Variants in CRTC1 observed in about 807,000 individuals in gnomAD.
CRTC1 encodes the protein CREB-regulated transcription coactivator 1.
A neutral mutation model predicts 66.1 loss-of-function variants in CRTC1; 18 were observed. That is an observed-to-expected ratio of 0.27 (90% CI 0.19 to 0.40). The LOEUF (loss-of-function observed/expected upper bound fraction) is 0.40. CRTC1 is among the 10% of genes least tolerant of loss of function. The pLI is 1.00. For synonymous variants in CRTC1, 416 were observed against 398.8 expected, an observed-to-expected ratio of 1.04 and a Z score of -0.51; for missense variants, 669 against 887.9, an observed-to-expected ratio of 0.75 and a Z score of 3.13.
intron 1 of CRTC1, among the ~76,000 whole-genome samples, chr19:18,708,459 A>T (rs2053314274): frequency 6.6e-6 from 1 of 152,168 alleles, no homozygotes; most frequent in South Asian, 2.1e-4. Flanking sequence ...CTGTATCAGC[A>T]TCAGGAAGAT....
At chr19:18,759,521 G>A (rs747398177) in intron 6 of CRTC1, 30 bp from the exon 7 acceptor site, 5 of 1,609,382 alleles carry the variant, frequency 3.1e-6, no homozygotes, top group Non-Finnish European at 4.2e-6. Flanking sequence ...GTGTGCCCCA[G>A]GGCTCAGGCT....
chr19:18,737,348 C>T lies in CRTC1; in HGVS notation c.127-5562C>T, dbSNP rs1395466446. ...GGTCAGCTTGGTAGTGTCAGAGCTT[C>T]TGGGTCCACATCTGCCTCCCACGTG... On this transcript the variant is annotated intron_variant, in intron 1 of 13. Coordinates refer to ENST00000321949, the MANE Select transcript of CRTC1 (RefSeq NM_015321.3). Among the ~76,000 whole-genome samples, 3 of 152,248 alleles carry T rather than the reference C, an allele frequency of 2.0e-5. No homozygotes were observed. In the East Asian group the frequency reaches 5.8e-4, roughly 29 times the overall value.
chr19:18,745,731 C>T, intron 2 of CRTC1, 92 bp from the exon 3 acceptor site: 1 of 1,544,370 alleles, frequency 6.5e-7, no homozygotes, highest in Non-Finnish European at 8.9e-7. Context: ...GTGGGGGGCC[C>T]TGCGATCAGA....
intron 1 of CRTC1, among the ~76,000 whole-genome samples, chr19:18,709,781 T>A (rs1453899938): frequency 1.3e-5 from 2 of 152,152 alleles, no homozygotes; most frequent in South Asian, 4.1e-4. Context: ...ACCTGAGGGC[T>A]CCGAGGGCTG....
intron 2 of CRTC1, 92 bp downstream of exon 2, chr19:18,743,118 C>A: frequency 9.7e-7 from 1 of 1,034,740 alleles, no homozygotes; most frequent in Non-Finnish European, 1.5e-6. Flanking sequence ...CTGGGGTTAT[C>A]AGACAGTTGG....
Position 18,753,718 on chromosome 19 carries a change from C to A in CRTC1, c.624+133C>A, listed in dbSNP as rs2054422444. The A allele has an allele frequency of 7.8e-6, 5 of 640,494 alleles. No homozygotes were observed. The Admixed American group carries it at 1.4e-4, about 18-fold the overall frequency. 39.7% of individuals were successfully genotyped at this position (640,494 alleles called of 1,614,324 possible). A position where few individuals can be genotyped will look rare whatever the true frequency, so the allele number is the denominator to read the frequency against. ...ACAGGGAACCTCACTCCGATTTTTC[C>A]ATCTTCAAATTCAGAGAATCTGTTA... On this transcript the variant is annotated intron_variant, in intron 6 of 13. Transcript: ENST00000321949.
rs1380540660 is a variant in CRTC1, at chr19:18,710,761, G to A, written c.126+26933G>A. 1.1e-4 allele frequency among the ~76,000 whole-genome samples: 16 copies of A among 152,158 alleles called. No homozygotes were observed. The South Asian group carries it at 2.7e-3, about 26-fold the overall frequency. ...CCAGTAGCTGGGATTACAGGCACCCGCCACTGTGCCCGGCTAATTTTTGTA... is the reference window on the plus strand; with the variant it reads ...CCAGTAGCTGGGATTACAGGCACCCACCACTGTGCCCGGCTAATTTTTGTA... On this transcript the variant is annotated intron_variant, in intron 1 of 13. Coordinates refer to ENST00000321949, the MANE Select transcript of CRTC1 (RefSeq NM_015321.3).
intron 1 of CRTC1, among the ~76,000 whole-genome samples, chr19:18,717,357 A>G (rs750076727): frequency 2.6e-5 from 4 of 152,076 alleles, no homozygotes; most frequent in Non-Finnish European, 4.4e-5. Flanking sequence ...TCCTTGGTGC[A>G]GTAATGACCA....
intron 2 of CRTC1, 58 bp from the exon 3 acceptor site, chr19:18,745,765 C>G (rs895939313): frequency 6.2e-7 from 1 of 1,607,550 alleles, no homozygotes; most frequent in African/African-American, 1.3e-5. Context: ...GCTGGGGCCA[C>G]AGCTGGTAAC....
chr19:18,748,384 T>TC (rs1271077831), intron 4 of CRTC1, among the ~76,000 whole-genome samples: 1 of 145,792 alleles, frequency 6.9e-6, no homozygotes, highest in East Asian at 2.0e-4. Context: ...ATTTTTTTTT[T>TC]TTTTTTTTTT....
chr19:18,684,851 C>T (rs909569421), intron 1 of CRTC1, among the ~76,000 whole-genome samples: 3 of 148,770 alleles, frequency 2.0e-5, no homozygotes, highest in South Asian at 4.2e-4. Flanking sequence ...TGTCTGAGCA[C>T]GGCAAGGCAC....
At chr19:18,764,384 G>C (rs12975249) in intron 8 of CRTC1, among the ~76,000 whole-genome samples, 21,971 of 152,262 alleles carry the variant, frequency 0.14, 1,749 homozygotes, top group Middle Eastern at 0.2. Flanking sequence ...AGGGAACCAA[G>C]TCTCCAGAGT....
At chr19:18,717,007 ATGTG>A (rs1251337331) in intron 1 of CRTC1, among the ~76,000 whole-genome samples, 1 of 152,044 alleles carries the variant, frequency 6.6e-6, no homozygotes, top group Non-Finnish European at 1.5e-5. Flanking sequence ...GAGTGTGAGC[ATGTG>A]TGTGTGCGTG....
In CRTC1 at chr19:18,777,574, C is replaced by A; in HGVS notation, c.*192C>A. On this transcript the variant is annotated 3_prime_UTR_variant, in exon 14 of 14. Transcript: ENST00000321949. The surrounding 1 kb of genome is among the most constrained non-coding windows in gnomAD (Gnocchi z 5.5). Reference sequence around the variant, plus strand: ...CCAATCGCGAGGCCGCGAGCCGGGCCGTCCACCCACCCGCCCGCCCAGGGC... The same window carrying A: ...CCAATCGCGAGGCCGCGAGCCGGGCAGTCCACCCACCCGCCCGCCCAGGGC... The A allele has an allele frequency of 1.9e-5, 11 of 572,750 alleles. No homozygotes were observed. Among genetic ancestry groups the A allele is most frequent in the Non-Finnish European group, 3.3e-5 (11 of 330,792 alleles). 35.5% of individuals were successfully genotyped at this position (572,750 alleles called of 1,614,324 possible).
chr19:18,771,373 G>C lies in CRTC1; in HGVS notation c.1321-69G>C, dbSNP rs1411679340. 2 of 1,385,506 alleles carry C rather than the reference G, an allele frequency of 1.4e-6. No individual in the cohort carries two copies. Among genetic ancestry groups the C allele is most frequent in the African/African-American group, 1.4e-5 (1 of 69,318 alleles). 85.8% of individuals were successfully genotyped at this position (1,385,506 alleles called of 1,614,324 possible). A position where few individuals can be genotyped will look rare whatever the true frequency, so the allele number is the denominator to read the frequency against. On this transcript the variant is annotated intron_variant, in intron 10 of 13. Coordinates refer to ENST00000321949, the MANE Select transcript of CRTC1 (RefSeq NM_015321.3). This position sits in a 1 kb window ranked among gnomAD's most constrained non-coding sequence, Gnocchi z 4.6. ...CCTGGGGGCTGATCAGGCTGCTCCC[G>C]GGAAGCAGGGACTGGAGCCCGGGCT...
chr19:18,693,405 T>A lies in CRTC1; in HGVS notation c.126+9577T>A, dbSNP rs185352631. 1.7e-3 allele frequency among the ~76,000 whole-genome samples: 257 copies of A among 150,784 alleles called. 1 individual carries two copies. Among genetic ancestry groups the A allele is most frequent in the African/African-American group, 5.3e-3 (218 of 41,026 alleles). On this transcript the variant is annotated intron_variant, in intron 1 of 13. Coordinates refer to ENST00000321949, the MANE Select transcript of CRTC1 (RefSeq NM_015321.3). ...CACCGTCTAAAAAAAAAAAAATTCA[T>A]TTTTCATGGCTTGCCAGCACCTACC...
At chr19:18,738,055 C>T (rs1378496119) in intron 1 of CRTC1, among the ~76,000 whole-genome samples, 1 of 152,156 alleles carries the variant, frequency 6.6e-6, no homozygotes, top group Non-Finnish European at 1.5e-5. Context: ...CACGGTGGCT[C>T]ATGCCTCTAA....
At chr19:18,776,824 C>T (rs1480057329) in intron 13 of CRTC1, among the ~76,000 whole-genome samples, 2 of 152,132 alleles carry the variant, frequency 1.3e-5, no homozygotes, top group Non-Finnish European at 2.9e-5. Flanking sequence ...TGACTCGTGC[C>T]GAGCAGCCCT....
intron 7 of CRTC1, 122 bp from the exon 8 acceptor site, chr19:18,759,886 C>A: frequency 1.2e-6 from 1 of 823,850 alleles, no homozygotes; most frequent in Non-Finnish European, 1.9e-6. Flanking sequence ...GTTTCCCAAG[C>A]ACACGGCACC....
Sources: gnomAD v4.1 joint callset for allele counts (sites outside exome capture counted in the v4.1 genomes callset) on GRCh38, gnomAD v4.1.1 for gene constraint, Gnocchi (gnomAD v3.1) non-coding constraint, MANE v1.5 for transcripts, NCBI Gene and HGNC (gene_info 2026-07-23, HGNC 2026-07-21) for gene names.